The following DOCK4 variants were observed in gnomAD, a reference collection of about 807,000 sequenced individuals.
The protein encoded by DOCK4 is dedicator of cytokinesis 4, also known as dedicator of cytokinesis protein 4.
Under a neutral mutation model 268.1 loss-of-function variants are expected in DOCK4, and 97 were observed. The observed-to-expected ratio is 0.36, with a 90% CI of 0.31 to 0.43. DOCK4 has a LOEUF of 0.43. Ranked by LOEUF, DOCK4 falls within the 20% of genes least tolerant of loss-of-function variation. DOCK4 has a pLI of 1.00. For missense variants in DOCK4, 2,145 were observed against 2,455.7 expected, an observed-to-expected ratio of 0.87 and a Z score of 2.67; for synonymous variants, 954 against 887.2, an observed-to-expected ratio of 1.08 and a Z score of -1.34.
chr7:111,793,268 G>T (rs1481643836), intron 30 of DOCK4, among the ~76,000 whole-genome samples: 1 of 152,228 alleles, frequency 6.6e-6, no homozygotes, highest in African/African-American at 2.4e-5. Flanking sequence ...CAGTGTGAGA[G>T]AAGAGAATTT....
chr7:111,911,042 G>C (rs1321124728), intron 13 of DOCK4, among the ~76,000 whole-genome samples: 2 of 152,198 alleles, frequency 1.3e-5, no homozygotes, highest in South Asian at 2.1e-4. Context: ...GTATGTTCTT[G>C]TCCTTGTCAG....
At chr7:111,958,464 G>A (rs1428441149) in intron 8 of DOCK4, among the ~76,000 whole-genome samples, 1 of 152,030 alleles carries the variant, frequency 6.6e-6, no homozygotes. Context: ...ATAGGGCAAA[G>A]GAAAAAAGAC....
At chr7:112,205,834 C>G (rs1481712737) in intron 1 of DOCK4, among the ~76,000 whole-genome samples, 1 of 152,084 alleles carries the variant, frequency 6.6e-6, no homozygotes, top group African/African-American at 2.4e-5. Context: ...AGGCAGAGCC[C>G]GAAGCTAGCG....
intron 39 of DOCK4, among the ~76,000 whole-genome samples, chr7:111,762,368 CTTCCTATTT>C (rs1797462564): frequency 6.6e-6 from 1 of 152,158 alleles, no homozygotes; most frequent in South Asian, 2.1e-4. Flanking sequence ...TTAGCAGTTA[CTTCCTATTT>C]TTCTCTTCCT....
At chr7:111,928,587 T>C (rs1793924458) in intron 12 of DOCK4, among the ~76,000 whole-genome samples, 1 of 94,622 alleles carries the variant, frequency 1.1e-5, no homozygotes, top group Non-Finnish European at 2.0e-5. Flanking sequence ...TTTCTTTTTC[T>C]TTTTTTTTTT....
Position 111,919,060 on chromosome 7 carries a change from G to A in DOCK4, c.1067-3156C>T, listed in dbSNP as rs182501144. 6.5e-3 allele frequency among the ~76,000 whole-genome samples: 985 copies of A among 152,150 alleles called. 6 individuals are homozygous for A. The highest frequency in any genetic ancestry group is 0.011 in the Non-Finnish European group (753 of 67,982). On this transcript the variant is annotated intron_variant, in intron 12 of 52. Coordinates refer to ENST00000428084, the MANE Select transcript of DOCK4 (RefSeq NM_001363540.2). ...GAGAGAAAAACTGATCAAGATTCTT[G>A]TTTTGCCCTATAGGAGCCAGCATTC... is the stretch of plus-strand genomic sequence containing the variant.
Position 112,058,025 on chromosome 7 carries a change from T to TTTG in DOCK4, c.38-53895_38-53894insCAA, listed in dbSNP as rs1554430106. 8.2e-4 allele frequency among the ~76,000 whole-genome samples: 33 copies of TTTG among 40,224 alleles called. No homozygotes were observed. The African/African-American group carries it at 0.01, about 12-fold the overall frequency. The allele number at this position is 40,224 out of a possible 152,430, so 26.4% of individuals were successfully genotyped here. A position where few individuals can be genotyped will look rare whatever the true frequency, so the allele number is the denominator to read the frequency against. The stretch of plus-strand genomic sequence containing the variant: ...ACACATTTTGGAAGTACAGGTTCAA[T>TTTG]TTTTTTTTTTTTTTTTTTTTTTTTT... On this transcript the variant is annotated intron_variant, in intron 1 of 52. Transcript: ENST00000428084.
At chr7:112,075,346 A>C (rs576161772) in intron 1 of DOCK4, among the ~76,000 whole-genome samples, 2 of 152,310 alleles carry the variant, frequency 1.3e-5, no homozygotes, top group Admixed American at 6.5e-5. Context: ...TCTGCAGGCA[A>C]CAGAGAGCTA....
chr7:111,897,843 G>A (rs903520856), intron 15 of DOCK4, among the ~76,000 whole-genome samples: 1 of 152,164 alleles, frequency 6.6e-6, no homozygotes, highest in African/African-American at 2.4e-5. Flanking sequence ...TCCCCAAACA[G>A]ATTCTCCCTG....
At chr7:112,082,097 C>A (rs1362813243) in intron 1 of DOCK4, among the ~76,000 whole-genome samples, 1 of 152,106 alleles carries the variant, frequency 6.6e-6, no homozygotes, top group East Asian at 1.9e-4. Flanking sequence ...CTTAGCTCCG[C>A]ACCTGTCATG....
At chr7:111,780,833 T>C (rs1345576096) in intron 35 of DOCK4, among the ~76,000 whole-genome samples, 1 of 152,212 alleles carries the variant, frequency 6.6e-6, no homozygotes, top group Non-Finnish European at 1.5e-5. Flanking sequence ...CTAAAAAGAT[T>C]AGCTTCAAAG....
chr7:112,072,171 T>C (rs772956710), intron 1 of DOCK4, among the ~76,000 whole-genome samples: 1 of 152,168 alleles, frequency 6.6e-6, no homozygotes, highest in East Asian at 1.9e-4. Flanking sequence ...GATATTTCCA[T>C]GTACTCAGTA....
intron 30 of DOCK4, among the ~76,000 whole-genome samples, chr7:111,800,738 C>T (rs773436471): frequency 1.3e-5 from 2 of 152,120 alleles, no homozygotes; most frequent in Admixed American, 6.6e-5. Context: ...AACACAGACA[C>T]GCTATTCTTC....
chr7:112,075,893 T>C (rs1808025083), intron 1 of DOCK4, among the ~76,000 whole-genome samples: 1 of 152,202 alleles, frequency 6.6e-6, no homozygotes, highest in East Asian at 1.9e-4. Flanking sequence ...TGTGAGCTTT[T>C]ACAACACTTA....
intron 49 of DOCK4, among the ~76,000 whole-genome samples, chr7:111,737,867 G>A (rs540752908): frequency 6.6e-6 from 1 of 152,280 alleles, no homozygotes; most frequent in South Asian, 2.1e-4. Context: ...AAGGGAAATA[G>A]CTAGTCCAGC....
At chr7:111,785,614 T>C (rs1203199030) in intron 32 of DOCK4, among the ~76,000 whole-genome samples, 1 of 152,210 alleles carries the variant, frequency 6.6e-6, no homozygotes, top group Non-Finnish European at 1.5e-5. Context: ...ATCATCTGTG[T>C]GCTCAGCCAG....
At position 112,095,633 on chromosome 7, in the gene DOCK4, T is replaced by C. The variant is rs564190511; in HGVS notation, c.38-91502A>G. Among the ~76,000 whole-genome samples, 4 of 152,266 alleles carry C rather than the reference T, an allele frequency of 2.6e-5. No homozygotes were observed. In the South Asian group the frequency reaches 6.2e-4, roughly 24 times the overall value. ...ACTTGATATACTTGTATAAAGTTCATTGATGTAGAGAAGGACAAAATAAAA... is the reference window on the plus strand; with the variant it reads ...ACTTGATATACTTGTATAAAGTTCACTGATGTAGAGAAGGACAAAATAAAA... On this transcript the variant is annotated intron_variant, in intron 1 of 52. Transcript: ENST00000428084.
At chr7:111,933,586 C>A (rs1415420347) in intron 12 of DOCK4, among the ~76,000 whole-genome samples, 1 of 151,950 alleles carries the variant, frequency 6.6e-6, no homozygotes, top group Non-Finnish European at 1.5e-5. Context: ...TGAGCCACCG[C>A]ACCCAGCCGA....
intron 1 of DOCK4, among the ~76,000 whole-genome samples, chr7:112,144,466 T>G (rs750256054): frequency 1.3e-5 from 2 of 152,124 alleles, no homozygotes; most frequent in Non-Finnish European, 2.9e-5. Flanking sequence ...TGAGTGAGGA[T>G]CCAAAGGCCA....
Sources: gnomAD v4.1 joint callset for allele counts (sites outside exome capture counted in the v4.1 genomes callset) on GRCh38, gnomAD v4.1.1 for gene constraint, MANE v1.5 for transcripts, NCBI Gene and HGNC (gene_info 2026-07-23, HGNC 2026-07-21) for gene names.